The following TRIM44 variants were observed in gnomAD, a reference collection of about 807,000 sequenced individuals.
TRIM44 encodes tripartite motif-containing protein 44.
Under a neutral mutation model 37.4 loss-of-function variants are expected in TRIM44, and 13 were observed. The observed-to-expected ratio is 0.35, with a 90% CI of 0.23 to 0.55. The LOEUF is 0.55. Ranked by LOEUF, TRIM44 falls within the 20% of genes least tolerant of loss-of-function variation. The pLI is 0.89. For synonymous variants in TRIM44, 175 were observed against 157.2 expected (o/e 1.11, Z -0.85); for missense variants, 426 against 437.2 (o/e 0.97, Z 0.23).
At chr11:35,755,121 A>G (rs1323492659) in intron 4 of TRIM44, among the ~76,000 whole-genome samples, 1 of 152,202 alleles carries the variant, frequency 6.6e-6, no homozygotes, top group Non-Finnish European at 1.5e-5. Context: ...ACTCCCACCA[A>G]CAGTGTAAAA....
At chr11:35,778,066 C>T (rs1243614169) in intron 4 of TRIM44, among the ~76,000 whole-genome samples, 1 of 152,206 alleles carries the variant, frequency 6.6e-6, no homozygotes, top group Non-Finnish European at 1.5e-5. Flanking sequence ...AACTTGGTTC[C>T]ATTCTCCCCA....
chr11:35,670,818 C>A (rs964538390), intron 1 of TRIM44, among the ~76,000 whole-genome samples: 1 of 152,130 alleles, frequency 6.6e-6, no homozygotes, highest in Non-Finnish European at 1.5e-5. Flanking sequence ...ATTGTAAAGA[C>A]TGGAGTAATA....
At chr11:35,755,539 T>C (rs2133855889) in intron 4 of TRIM44, among the ~76,000 whole-genome samples, 1 of 152,324 alleles carries the variant, frequency 6.6e-6, no homozygotes, top group East Asian at 1.9e-4. Context: ...TTGGCTTTTG[T>C]TGCCATTGCT....
At chr11:35,806,056 G>C (rs1181682301) in intron 4 of TRIM44, among the ~76,000 whole-genome samples, 1 of 152,122 alleles carries the variant, frequency 6.6e-6, no homozygotes, top group Non-Finnish European at 1.5e-5. Context: ...ACTCTCACCT[G>C]CTCCTTTAAA....
chr11:35,712,569 G>A (rs1851988643), intron 2 of TRIM44, among the ~76,000 whole-genome samples: 1 of 152,104 alleles, frequency 6.6e-6, no homozygotes. Flanking sequence ...CTGGTGGACT[G>A]GAGCATTGTT....
chr11:35,668,260 A>C (rs1238420368), intron 1 of TRIM44, among the ~76,000 whole-genome samples: 1 of 152,218 alleles, frequency 6.6e-6, no homozygotes, highest in African/African-American at 2.4e-5. Context: ...CAGGTTTGTT[A>C]CATAGGTAAA....
At chr11:35,700,953 C>A (rs1396264349) in intron 2 of TRIM44, among the ~76,000 whole-genome samples, 1 of 152,156 alleles carries the variant, frequency 6.6e-6, no homozygotes, top group Non-Finnish European at 1.5e-5. Flanking sequence ...ACATTACACA[C>A]ACGATACATG....
At chr11:35,667,933 G>A (rs1851350087) in intron 1 of TRIM44, among the ~76,000 whole-genome samples, 1 of 151,944 alleles carries the variant, frequency 6.6e-6, no homozygotes, top group Admixed American at 6.6e-5. Flanking sequence ...TTCTTTTACT[G>A]TTCTTATGGG....
intron 2 of TRIM44, among the ~76,000 whole-genome samples, chr11:35,716,552 G>T (rs938232418): frequency 4.6e-5 from 7 of 152,178 alleles, no homozygotes; most frequent in African/African-American, 1.7e-4. Context: ...ATGTGGGATA[G>T]CCTCTGACCT....
intron 4 of TRIM44, among the ~76,000 whole-genome samples, chr11:35,794,321 G>T (rs1434897032): frequency 1.3e-5 from 2 of 152,242 alleles, no homozygotes; most frequent in Non-Finnish European, 2.9e-5. Context: ...ATCCAAGCCT[G>T]CCTTGAGAAC....
At chr11:35,757,021 A>C (rs548721005) in intron 4 of TRIM44, among the ~76,000 whole-genome samples, 3 of 152,324 alleles carry the variant, frequency 2.0e-5, no homozygotes, top group South Asian at 4.1e-4. Context: ...CTGGCCTCAT[A>C]AAATGAGTTA....
At chr11:35,696,442 G>T (rs897082394) in intron 2 of TRIM44, among the ~76,000 whole-genome samples, 1 of 151,398 alleles carries the variant, frequency 6.6e-6, no homozygotes, top group Admixed American at 6.6e-5. Flanking sequence ...GCAAGCAGCC[G>T]TCAAAAATTT....
chr11:35,715,431 G>T (rs12362130), intron 2 of TRIM44, among the ~76,000 whole-genome samples: 4,688 of 143,296 alleles, frequency 0.033, 108 homozygotes, highest in African/African-American at 0.074. Flanking sequence ...TGTGTGTGTG[G>T]GTGTGGGTGT....
intron 4 of TRIM44, among the ~76,000 whole-genome samples, chr11:35,779,496 G>A (rs1032906127): frequency 6.6e-6 from 1 of 152,138 alleles, no homozygotes; most frequent in African/African-American, 2.4e-5. Context: ...AGTTGGAAAT[G>A]CAGAAATCAC....
chr11:35,696,335 G>T (rs1241712609), intron 2 of TRIM44, among the ~76,000 whole-genome samples: 1 of 150,896 alleles, frequency 6.6e-6, no homozygotes, highest in East Asian at 2.0e-4. Context: ...GTACAGACGG[G>T]GTTTCACCAT....
At chr11:35,684,858 TTATAAG>T (rs1851555987) in intron 1 of TRIM44, among the ~76,000 whole-genome samples, 1 of 152,258 alleles carries the variant, frequency 6.6e-6, no homozygotes. Flanking sequence ...GTTTTAATTT[TTATAAG>T]TATATTTAAT....
intron 4 of TRIM44, among the ~76,000 whole-genome samples, chr11:35,759,935 C>T (rs181650604): frequency 1.3e-5 from 2 of 152,216 alleles, no homozygotes; most frequent in East Asian, 1.9e-4. Flanking sequence ...TTAGGCTACT[C>T]GGGGTTCAGG....
intron 4 of TRIM44, among the ~76,000 whole-genome samples, chr11:35,782,553 T>A (rs571982117): frequency 6.6e-6 from 1 of 152,264 alleles, no homozygotes; most frequent in South Asian, 2.1e-4. Flanking sequence ...CCCTGGACAT[T>A]TCCTTCATGC....
At chr11:35,805,458 C>T (rs1399466816) in intron 4 of TRIM44, among the ~76,000 whole-genome samples, 1 of 152,186 alleles carries the variant, frequency 6.6e-6, no homozygotes, top group Non-Finnish European at 1.5e-5. Flanking sequence ...GGCTGTAACT[C>T]TGAGCAGCTG....
Sources: gnomAD v4.1 joint callset for allele counts (sites outside exome capture counted in the v4.1 genomes callset) on GRCh38, gnomAD v4.1.1 for gene constraint, MANE v1.5 for transcripts, NCBI Gene and HGNC (gene_info 2026-07-23, HGNC 2026-07-21) for gene names.